UNC5A: variants seen among roughly 807,000 people sequenced by gnomAD.
UNC5A encodes unc-5 netrin receptor A, also known as netrin receptor UNC5A.
A neutral mutation model predicts 87.4 loss-of-function variants in UNC5A; 20 were observed. That is an observed-to-expected ratio of 0.23 (90% confidence interval 0.16 to 0.33). The LOEUF is 0.33. Among genes scored for constraint, UNC5A ranks in the 10% least tolerant of loss-of-function variants. The probability of loss-of-function intolerance (pLI) is 1.00; values close to 1 mark genes in which losing one functional copy is unlikely to be tolerated. For synonymous variants in UNC5A, 438 were observed against 482.3 expected (o/e 0.91, Z 1.20); for missense variants, 844 against 1,133.4 (o/e 0.74, Z 3.67).
chr5:176,870,644 C>A, intron 6 of UNC5A, 110 bp downstream of exon 6: 2 of 1,290,992 alleles, frequency 1.5e-6, no homozygotes, highest in Non-Finnish European at 2.1e-6. Context: ...GCTGTAGCCT[C>A]TCCAGGCTCA....
intron 4 of UNC5A, 42 bp downstream of exon 4, chr5:176,868,706 G>C: frequency 6.3e-7 from 1 of 1,589,792 alleles, no homozygotes; most frequent in Non-Finnish European, 8.6e-7. Context: ...CTGGGCTCCT[G>C]CCTGGTCACC....
chr5:176,864,474 G>T (rs1757922792), intron 2 of UNC5A, among the ~76,000 whole-genome samples: 1 of 152,232 alleles, frequency 6.6e-6, no homozygotes, highest in African/African-American at 2.4e-5. Flanking sequence ...GCAGTGATCT[G>T]AGGTGAGCTG....
chr5:176,821,907 T>C (rs1756736178), intron 1 of UNC5A, among the ~76,000 whole-genome samples: 1 of 152,214 alleles, frequency 6.6e-6, no homozygotes, highest in African/African-American at 2.4e-5. Context: ...GCAGGACTAA[T>C]TGACTTCCCA....
chr5:176,819,063 T>C (rs893734272), intron 1 of UNC5A, among the ~76,000 whole-genome samples: 3 of 152,232 alleles, frequency 2.0e-5, no homozygotes, highest in Admixed American at 2.0e-4. Flanking sequence ...CCCTTCCTTC[T>C]GGGGCCGCAC....
chr5:176,853,118 CACG>C (rs970069638), intron 1 of UNC5A, among the ~76,000 whole-genome samples: 8 of 152,324 alleles, frequency 5.3e-5, no homozygotes, highest in African/African-American at 1.7e-4. Context: ...CGTGTGCGGG[CACG>C]ACAAGTGCAA....
At chr5:176,863,015 C>A (rs1757880829) in intron 2 of UNC5A, among the ~76,000 whole-genome samples, 170 bp downstream of exon 2, 1 of 152,344 alleles carries the variant, frequency 6.6e-6, no homozygotes, top group African/African-American at 2.4e-5. Flanking sequence ...GAGGGGGTCC[C>A]TGATGACCAA....
At chr5:176,860,941 G>A (rs1757822028) in intron 1 of UNC5A, among the ~76,000 whole-genome samples, 1 of 152,106 alleles carries the variant, frequency 6.6e-6, no homozygotes. Context: ...GTGAGAGGAG[G>A]GGCAGGCGCC....
intron 1 of UNC5A, among the ~76,000 whole-genome samples, chr5:176,833,539 G>A (rs1037367561): frequency 1.3e-5 from 2 of 151,830 alleles, no homozygotes; most frequent in Non-Finnish European, 2.9e-5. Flanking sequence ...TCCAGTCCAC[G>A]CCAGCCCACA....
chr5:176,813,135 C>G (rs553680449), intron 1 of UNC5A, among the ~76,000 whole-genome samples: 1 of 152,196 alleles, frequency 6.6e-6, no homozygotes, highest in Non-Finnish European at 1.5e-5. Flanking sequence ...TCTCTGTGCC[C>G]GCGCACGCAA....
chr5:176,828,496 G>A (rs1424890402), intron 1 of UNC5A, among the ~76,000 whole-genome samples: 6 of 152,058 alleles, frequency 3.9e-5, no homozygotes, highest in Admixed American at 1.3e-4. Flanking sequence ...TTGAGGGCAC[G>A]GAGGCCCAGA....
intron 6 of UNC5A, among the ~76,000 whole-genome samples, chr5:176,872,448 C>A (rs1193770003): frequency 2.7e-4 from 5 of 18,400 alleles, no homozygotes; most frequent in Non-Finnish European, 3.1e-4. Flanking sequence ...CCCACACTCG[C>A]CCAACACCAC....
At chr5:176,853,120 C>T (rs981807416) in intron 1 of UNC5A, among the ~76,000 whole-genome samples, 8 of 152,168 alleles carry the variant, frequency 5.3e-5, no homozygotes, top group African/African-American at 1.7e-4. Flanking sequence ...TGTGCGGGCA[C>T]GACAAGTGCA....
At chr5:176,867,807 C>T (rs781358780) in intron 2 of UNC5A, among the ~76,000 whole-genome samples, 33 of 151,940 alleles carry the variant, frequency 2.2e-4, no homozygotes, top group Admixed American at 4.6e-4. Context: ...CAAAGCTCTA[C>T]GGCAGCCCCT....
rs692118 is a variant in UNC5A at position 176,820,885 on chromosome 5, C to T, written c.70+10065C>T. 5.2e-3 allele frequency among the ~76,000 whole-genome samples: 785 copies of T among 152,318 alleles called. 5 individuals are homozygous for T. Among genetic ancestry groups the T allele is most frequent in the African/African-American group, 0.018 (747 of 41,568 alleles). On this transcript the variant is annotated intron_variant, in intron 1 of 14. Transcript: ENST00000329542. ...TATTTCTCTTGACCTGGTTCTTTTCCAGCTGCAGAGCCTGCTCTTTAAGCT... is the reference window on the plus strand; with the variant it reads ...TATTTCTCTTGACCTGGTTCTTTTCTAGCTGCAGAGCCTGCTCTTTAAGCT...
intron 1 of UNC5A, among the ~76,000 whole-genome samples, chr5:176,811,940 A>T (rs1379481051): frequency 6.6e-6 from 1 of 152,144 alleles, no homozygotes; most frequent in Admixed American, 6.5e-5. Context: ...GTGGGAGCTC[A>T]GGAGCCAGCC....
chr5:176,876,025 G>A (rs933845087), intron 8 of UNC5A, among the ~76,000 whole-genome samples: 2 of 152,218 alleles, frequency 1.3e-5, no homozygotes, highest in East Asian at 1.9e-4. Flanking sequence ...TCCCCAGGCC[G>A]GGGGGTGGCT....
In UNC5A at chr5:176,868,871, C is replaced by G; in HGVS notation, c.628C>G (p.Gln210Glu). The change falls in exon 5 of 15, where the codon CAG becomes GAG. Residue 210 changes from glutamine to glutamate, a missense_variant. Gln to Glu is a conservative substitution (Grantham distance 29). Transcript: ENST00000329542. ...ITREHSLVVR[Q>E]ARLADTANYT... ...GCGGGAGCACAGCCTGGTGGTGCGA[C>G]AGGCCCGCCTTGCTGACACGGCCAA... 4 of 1,612,924 alleles carry G rather than the reference C, an allele frequency of 2.5e-6. No individual in the cohort carries two copies. The highest frequency in any genetic ancestry group is 3.4e-6 in the Non-Finnish European group (4 of 1,179,884).
In UNC5A at chr5:176,869,607, C is replaced by T. The variant is rs777690286; in HGVS notation, c.721+643C>T. The T allele has an allele frequency of 1.9e-5, 13 of 698,644 alleles. No homozygotes were observed. Among genetic ancestry groups the T allele is most frequent in the Admixed American group, 1.4e-4 (7 of 49,764 alleles). 43.3% of individuals were successfully genotyped at this position (698,644 alleles called of 1,614,324 possible). On this transcript the variant is annotated intron_variant, in intron 5 of 14. Transcript: ENST00000329542. The surrounding 1 kb of genome is among the most constrained non-coding windows in gnomAD (Gnocchi z 9.1). ...TCCCTGACCCCAGTCCTTCTCTGTC[C>T]GGCCAGTGAACGGTGGGTGGTCGAC...
chr5:176,875,430 A>G lies in UNC5A; in HGVS notation c.1378+864A>G, dbSNP rs1219700776. Reference sequence around the variant, plus strand: ...GATCGTCTAGTTGCTCAAGCCGGAAACTTGGGGTCACCTTGACCTGCTGCT... The same window carrying G: ...GATCGTCTAGTTGCTCAAGCCGGAAGCTTGGGGTCACCTTGACCTGCTGCT... On this transcript the variant is annotated intron_variant, in intron 8 of 14. Transcript: ENST00000329542. The surrounding 1 kb of genome is among the most constrained non-coding windows in gnomAD (Gnocchi z 5.2). Among the ~76,000 whole-genome samples, 2 of 151,962 alleles carry G rather than the reference A, an allele frequency of 1.3e-5. No individual in the cohort carries two copies. The highest frequency in any genetic ancestry group is 4.8e-5 in the African/African-American group (2 of 41,346).
Sources: allele counts gnomAD v4.1 joint callset (sites outside exome capture counted in the v4.1 genomes callset), GRCh38; gene constraint gnomAD v4.1.1; non-coding constraint Gnocchi (gnomAD v3.1); transcripts MANE v1.5; gene names NCBI Gene and HGNC (gene_info 2026-07-23, HGNC 2026-07-21).